CSMD1: variants seen among roughly 807,000 people sequenced by gnomAD.
CSMD1 encodes the protein CUB and sushi domain-containing protein 1.
A neutral mutation model predicts 417.5 loss-of-function variants in CSMD1; 213 were observed. The observed-to-expected ratio is 0.51, with a 90% CI of 0.46 to 0.57. CSMD1 has a LOEUF of 0.57. Ranked by LOEUF, CSMD1 falls within the 20% of genes least tolerant of loss-of-function variation. The pLI, the probability that CSMD1 is intolerant of heterozygous loss-of-function variation, is 0.00. For synonymous variants in CSMD1, 2,862 were observed against 1,736.8 expected (o/e 1.65, Z -16.11); for missense variants, 6,923 against 4,529.7 (o/e 1.53, Z -15.17).
chr8:3,775,217 A>C (rs924111753), intron 5 of CSMD1, among the ~76,000 whole-genome samples: 1 of 152,228 alleles, frequency 6.6e-6, no homozygotes, highest in African/African-American at 2.4e-5. Context: ...GGTTTAGATA[A>C]AACTTTGCAA....
chr8:3,118,356 C>T, intron 42 of CSMD1, 43 bp downstream of exon 42: 1 of 1,351,438 alleles, frequency 7.4e-7, no homozygotes, highest in Non-Finnish European at 1.0e-6. Flanking sequence ...GCTATTATGC[C>T]CATGAAACAT....
At chr8:4,037,906 G>C (rs532937339) in intron 3 of CSMD1, among the ~76,000 whole-genome samples, 94 of 152,170 alleles carry the variant, frequency 6.2e-4, no homozygotes, top group African/African-American at 2.1e-3. Context: ...TAGCTCATAA[G>C]CTTAGTGGGA....
intron 2 of CSMD1, among the ~76,000 whole-genome samples, chr8:4,453,132 G>C (rs1799248022): frequency 6.6e-6 from 1 of 151,776 alleles, no homozygotes; most frequent in African/African-American, 2.4e-5. Flanking sequence ...GGACACATGT[G>C]TCACCAATTT....
chr8:4,628,360 G>A (rs1165747371), intron 2 of CSMD1, among the ~76,000 whole-genome samples: 4 of 149,122 alleles, frequency 2.7e-5, no homozygotes, highest in Non-Finnish European at 5.9e-5. Flanking sequence ...ATACTTCTAT[G>A]TATGTGTGTG....
At chr8:4,707,550 ATGC>A (rs1177800936) in intron 1 of CSMD1, among the ~76,000 whole-genome samples, 1 of 152,086 alleles carries the variant, frequency 6.6e-6, no homozygotes, top group Non-Finnish European at 1.5e-5. Flanking sequence ...TGTAGAACAG[ATGC>A]TAACTAAATT....
intron 2 of CSMD1, among the ~76,000 whole-genome samples, chr8:4,531,062 T>C (rs1162755016): frequency 6.6e-6 from 1 of 152,186 alleles, no homozygotes; most frequent in Non-Finnish European, 1.5e-5. Context: ...TGATACTCTA[T>C]CATTTTTTGT....
In CSMD1 at chr8:4,993,487, G is replaced by A. The variant is rs1475821782; in HGVS notation, c.85+845C>T. On this transcript the variant is annotated intron_variant, in intron 1 of 69. Transcript: ENST00000635120. ...ACAAGCTATTGCCAGCCTTGAGGTC[G>A]CAGCCTGTAGGCTACTTAGAAGAAA... Among the ~76,000 whole-genome samples, 3 of 151,852 alleles carry A rather than the reference G, an allele frequency of 2.0e-5. No individual in the cohort carries two copies. In the South Asian group the frequency reaches 6.3e-4, roughly 32 times the overall value.
At chr8:3,791,827 A>C (rs1799758861) in intron 5 of CSMD1, among the ~76,000 whole-genome samples, 1 of 127,780 alleles carries the variant, frequency 7.8e-6, no homozygotes, top group African/African-American at 3.6e-5. Flanking sequence ...AGTATCAAAT[A>C]ATAATAATAA....
chr8:3,245,315 G>T lies in CSMD1; in HGVS notation c.4154-15084C>A, dbSNP rs1221762651. On this transcript the variant is annotated intron_variant, in intron 26 of 69. Coordinates refer to ENST00000635120, the MANE Select transcript of CSMD1 (RefSeq NM_033225.6). ...AGTTCCTTCCGGTACCTGGGTCCCA[G>T]TCACTAGGAGCCTGTGTAAGGGCAT... Among the ~76,000 whole-genome samples, 3 of 152,146 alleles carry T rather than the reference G, an allele frequency of 2.0e-5. No individual in the cohort carries two copies. In the East Asian group the frequency reaches 5.8e-4, roughly 29 times the overall value.
At position 3,423,935 on chromosome 8, in the gene CSMD1, T is replaced by C. The variant is rs192664851; in HGVS notation, c.1562-14330A>G. Among the ~76,000 whole-genome samples, 29 of 152,286 alleles carry C rather than the reference T, an allele frequency of 1.9e-4. No homozygotes were observed. The East Asian group carries it at 4.4e-3, about 23-fold the overall frequency. On this transcript the variant is annotated intron_variant, in intron 12 of 69. Transcript: ENST00000635120. The stretch of plus-strand genomic sequence containing the variant: ...TCAAATAAACACACACCTCAATTAT[T>C]TAACTATTTTTGGCTACTTACAAAA...
At chr8:3,675,198 G>A (rs983486457) in intron 7 of CSMD1, among the ~76,000 whole-genome samples, 1 of 152,076 alleles carries the variant, frequency 6.6e-6, no homozygotes, top group African/African-American at 2.4e-5. Flanking sequence ...TCTCCTCACA[G>A]AAGGCCTGAC....
intron 26 of CSMD1, among the ~76,000 whole-genome samples, chr8:3,280,631 A>C (rs1236758497): frequency 6.6e-6 from 1 of 152,200 alleles, no homozygotes; most frequent in African/African-American, 2.4e-5. Context: ...ACGTGAAACC[A>C]TGTGAAATTG....
rs149082873 is a variant in CSMD1 at position 4,316,647 on chromosome 8, A to C, written c.415+103306T>G. On this transcript the variant is annotated intron_variant, in intron 3 of 69. Transcript: ENST00000635120. Reference sequence around the variant, plus strand: ...CAGAAGGTGAACGACAATGGGGTACACTGTGTCAAGATGAAGGACTCAAAT... The same window carrying C: ...CAGAAGGTGAACGACAATGGGGTACCCTGTGTCAAGATGAAGGACTCAAAT... 8.3e-4 allele frequency among the ~76,000 whole-genome samples: 126 copies of C among 152,220 alleles called. No individual in the cohort carries two copies. In the East Asian group the frequency reaches 0.022, roughly 26 times the overall value.
chr8:4,970,258 CT>C (rs1563901144), intron 1 of CSMD1, among the ~76,000 whole-genome samples: 1 of 152,086 alleles, frequency 6.6e-6, no homozygotes, highest in African/African-American at 2.4e-5. Flanking sequence ...AGTTGTGAGT[CT>C]CTTTGATCTG....
chr8:3,894,330 C>A (rs1293727400), intron 5 of CSMD1, among the ~76,000 whole-genome samples: 1 of 152,162 alleles, frequency 6.6e-6, no homozygotes, highest in Non-Finnish European at 1.5e-5. Flanking sequence ...AAGCTTTGCT[C>A]TGGATTTTTT....
intron 3 of CSMD1, among the ~76,000 whole-genome samples, chr8:4,406,658 C>G (rs1266531543): frequency 6.6e-6 from 1 of 152,158 alleles, no homozygotes; most frequent in Non-Finnish European, 1.5e-5. Context: ...ATGGGCACTC[C>G]TCCTGGCCAT....
chr8:2,944,112 T>C (rs1262389408), intron 68 of CSMD1, among the ~76,000 whole-genome samples: 1 of 152,196 alleles, frequency 6.6e-6, no homozygotes, highest in East Asian at 1.9e-4. Context: ...TACAACTACT[T>C]ATCTTTTTGA....
chr8:4,740,214 C>A (rs536950232), intron 1 of CSMD1, among the ~76,000 whole-genome samples: 1 of 152,238 alleles, frequency 6.6e-6, no homozygotes, highest in South Asian at 2.1e-4. Context: ...ACCCCAGGAA[C>A]AAGTGGAATC....
intron 5 of CSMD1, among the ~76,000 whole-genome samples, chr8:3,828,601 C>T (rs1219894286): frequency 6.6e-6 from 1 of 152,094 alleles, no homozygotes; most frequent in Admixed American, 6.6e-5. Flanking sequence ...CGACAATTTT[C>T]TTCCATTTCT....
Sources: allele counts gnomAD v4.1 joint callset (sites outside exome capture counted in the v4.1 genomes callset), GRCh38; gene constraint gnomAD v4.1.1; transcripts MANE v1.5; gene names NCBI Gene and HGNC (gene_info 2026-07-23, HGNC 2026-07-21).